CSMD1: variants seen among roughly 807,000 people sequenced by gnomAD.
The protein encoded by CSMD1 is CUB and sushi domain-containing protein 1.
In CSMD1, 213 loss-of-function variants were observed where a neutral mutation model predicts 417.5. The observed-to-expected ratio is 0.51, with a 90% CI of 0.46 to 0.57. The LOEUF is 0.57. Among genes scored for constraint, CSMD1 ranks in the 20% least tolerant of loss-of-function variants. CSMD1 has a pLI of 0.00. For synonymous variants in CSMD1, 2,862 were observed against 1,736.8 expected, an observed-to-expected ratio of 1.65 and a Z score of -16.11; for missense variants, 6,923 against 4,529.7, an observed-to-expected ratio of 1.53 and a Z score of -15.17.
chr8:4,779,761 G>A (rs547819670), intron 1 of CSMD1, among the ~76,000 whole-genome samples: 27 of 152,280 alleles, frequency 1.8e-4, no homozygotes, highest in African/African-American at 5.5e-4. Flanking sequence ...GCTAATTGCG[G>A]TTTGCTGATG....
At chr8:3,535,271 C>T (rs1585320710) in intron 10 of CSMD1, among the ~76,000 whole-genome samples, 2 of 152,122 alleles carry the variant, frequency 1.3e-5, no homozygotes, top group Non-Finnish European at 1.5e-5. Context: ...AAGCTAATGA[C>T]AGACGACACT....
chr8:4,315,892 T>C lies in CSMD1; in HGVS notation c.415+104061A>G, dbSNP rs1798896495. ...TTAGTAAAATTTTAAAAACAGGTTT[T>C]ATAAAGCTAAAGATGCACTCAAATG... On this transcript the variant is annotated intron_variant, in intron 3 of 69. Coordinates refer to ENST00000635120, the MANE Select transcript of CSMD1 (RefSeq NM_033225.6). Among the ~76,000 whole-genome samples, 3 of 152,202 alleles carry C rather than the reference T, an allele frequency of 2.0e-5. 1 individual carries two copies. The highest frequency in any genetic ancestry group is 4.8e-5 in the African/African-American group (2 of 41,464).
intron 1 of CSMD1, among the ~76,000 whole-genome samples, chr8:4,940,857 G>T (rs930045525): frequency 6.6e-6 from 1 of 152,124 alleles, no homozygotes; most frequent in Admixed American, 6.5e-5. Context: ...AGAGGTCATG[G>T]TTAAAAATTG....
At chr8:4,925,611 G>GGGA (rs1438897538) in intron 1 of CSMD1, among the ~76,000 whole-genome samples, 1 of 150,418 alleles carries the variant, frequency 6.6e-6, no homozygotes, top group Non-Finnish European at 1.5e-5. Context: ...CAGTGGTGCA[G>GGGA]TCTCGGCTCA....
intron 1 of CSMD1, among the ~76,000 whole-genome samples, chr8:4,931,363 C>A (rs186837459): frequency 1.3e-5 from 2 of 152,178 alleles, no homozygotes; most frequent in Admixed American, 1.3e-4. Context: ...TAGGCATAAT[C>A]ATGTAACTCA....
At chr8:4,314,675 A>G (rs898157253) in intron 3 of CSMD1, among the ~76,000 whole-genome samples, 4 of 152,184 alleles carry the variant, frequency 2.6e-5, no homozygotes, top group Non-Finnish European at 5.9e-5. Context: ...GTTAAGTGTT[A>G]GGTCAAAATG....
chr8:3,869,842 C>T (rs558293979), intron 5 of CSMD1, among the ~76,000 whole-genome samples: 4 of 151,874 alleles, frequency 2.6e-5, no homozygotes, highest in Non-Finnish European at 5.9e-5. Context: ...AATCACATTC[C>T]ATGCTTTTAT....
At chr8:4,365,006 A>T (rs1007352921) in intron 3 of CSMD1, among the ~76,000 whole-genome samples, 1 of 152,170 alleles carries the variant, frequency 6.6e-6, no homozygotes, top group African/African-American at 2.4e-5. Context: ...ATTCTAATGG[A>T]ACTCAGATGA....
intron 26 of CSMD1, among the ~76,000 whole-genome samples, chr8:3,249,324 T>G (rs1257689418): frequency 6.6e-6 from 1 of 152,090 alleles, no homozygotes; most frequent in African/African-American, 2.4e-5. Context: ...TGGGTTCATG[T>G]GATTCTCAAT....
At chr8:3,042,172 T>C (rs1175581022) in intron 50 of CSMD1, among the ~76,000 whole-genome samples, 4 of 152,156 alleles carry the variant, frequency 2.6e-5, no homozygotes, top group Admixed American at 6.6e-5. Context: ...TTAGCTGAGA[T>C]ACCAAACTGA....
At chr8:3,749,613 G>A (rs1039684742) in intron 6 of CSMD1, among the ~76,000 whole-genome samples, 1 of 152,174 alleles carries the variant, frequency 6.6e-6, no homozygotes, top group South Asian at 2.1e-4. Flanking sequence ...TATATTATTT[G>A]TCTTTGAGAA....
intron 12 of CSMD1, among the ~76,000 whole-genome samples, chr8:3,454,093 T>C (rs181285903): frequency 0.019 from 2,968 of 152,306 alleles, 45 homozygotes; most frequent in Middle Eastern, 0.058. Flanking sequence ...TTTTGATCTT[T>C]GTTGGTTTAA....
intron 25 of CSMD1, among the ~76,000 whole-genome samples, chr8:3,305,920 T>TTTGCCTGC (rs1804801345): frequency 6.6e-6 from 1 of 152,120 alleles, no homozygotes; most frequent in Admixed American, 6.6e-5. Context: ...CACCTGGTGA[T>TTTGCCTGC]TTGCCTGCCT....
intron 2 of CSMD1, among the ~76,000 whole-genome samples, chr8:4,565,661 G>A (rs1398608666): frequency 6.6e-6 from 1 of 150,718 alleles, no homozygotes; most frequent in East Asian, 2.0e-4. Flanking sequence ...TTTGAACCAA[G>A]GAGGCAGAGG....
intron 50 of CSMD1, among the ~76,000 whole-genome samples, chr8:3,033,650 G>A (rs1180408953): frequency 2.0e-5 from 3 of 152,050 alleles, no homozygotes; most frequent in African/African-American, 7.2e-5. Flanking sequence ...CTTAAACCAC[G>A]CGGGATTTAA....
chr8:3,536,315 A>T (rs897417045), intron 10 of CSMD1, among the ~76,000 whole-genome samples: 8 of 152,332 alleles, frequency 5.3e-5, no homozygotes, highest in Middle Eastern at 6.8e-3. Context: ...CAACATATTT[A>T]AAATGGCAGC....
Position 4,745,766 on chromosome 8 carries a change from A to C in CSMD1, c.86-108208T>G, listed in dbSNP as rs1380808779. ...TCTCCAACATATTTAAATCTATAGGAACACGCATTTTTGAACTTCTACCAC... is the reference window on the plus strand; with the variant it reads ...TCTCCAACATATTTAAATCTATAGGCACACGCATTTTTGAACTTCTACCAC... On this transcript the variant is annotated intron_variant, in intron 1 of 69. Transcript: ENST00000635120. Among the ~76,000 whole-genome samples the C allele has an allele frequency of 1.3e-5, 2 of 152,194 alleles. 1 individual carries two copies. Among genetic ancestry groups the C allele is most frequent in the Non-Finnish European group, 2.9e-5 (2 of 68,036 alleles).
chr8:4,020,015 C>T (rs1261315081), intron 4 of CSMD1, among the ~76,000 whole-genome samples: 1 of 151,574 alleles, frequency 6.6e-6, no homozygotes, highest in Non-Finnish European at 1.5e-5. Flanking sequence ...CCGCTCTGGG[C>T]ACTTAGTTCT....
Position 3,802,259 on chromosome 8 carries a change from C to A in CSMD1, c.819-48217G>T, listed in dbSNP as rs145250099. 1.2e-3 allele frequency among the ~76,000 whole-genome samples: 182 copies of A among 152,200 alleles called. 1 individual carries two copies. Among genetic ancestry groups the A allele is most frequent in the African/African-American group, 4.2e-3 (175 of 41,536 alleles). On this transcript the variant is annotated intron_variant, in intron 5 of 69. Coordinates refer to ENST00000635120, the MANE Select transcript of CSMD1 (RefSeq NM_033225.6). ...ATAGAGGCATAAAATGAGTTTGGAA[C>A]ATCTACATGGATGAGATTTCTGCTA...
Sources: gnomAD v4.1 joint callset for allele counts (sites outside exome capture counted in the v4.1 genomes callset) on GRCh38, gnomAD v4.1.1 for gene constraint, MANE v1.5 for transcripts, NCBI Gene and HGNC (gene_info 2026-07-23, HGNC 2026-07-21) for gene names.